The following SCUBE1 variants were observed in gnomAD, a reference collection of about 807,000 sequenced individuals.
SCUBE1 encodes signal peptide, CUB and EGF-like domain-containing protein 1.
SCUBE1 carries 59 observed loss-of-function variants against 124.4 expected under a neutral mutation model. The observed-to-expected ratio is 0.47, with a 90% CI of 0.38 to 0.59. The LOEUF (loss-of-function observed/expected upper bound fraction) is 0.59, where lower values mean the gene tolerates loss of function less well. Ranked by LOEUF, SCUBE1 falls within the 20% of genes least tolerant of loss-of-function variation. SCUBE1 has a pLI of 0.00. For synonymous variants in SCUBE1, 545 were observed against 550.9 expected (o/e 0.99, Z 0.15); for missense variants, 1,150 against 1,371.2 (o/e 0.84, Z 2.55).
In SCUBE1 at chr22:43,255,727, A is replaced by C; in HGVS notation, c.727+2492T>G. ...GCATCCTCGCCAAGGGGCTAATCCC[A>C]GGAACCTCCAAGGTGGGGGTGTTCA... On this transcript the variant is annotated intron_variant, in intron 6 of 21. Coordinates refer to ENST00000360835, the MANE Select transcript of SCUBE1 (RefSeq NM_173050.5). The surrounding 1 kb of genome is among the most constrained non-coding windows in gnomAD (Gnocchi z 4.7). The C allele has an allele frequency of 1.4e-6, 1 of 695,948 alleles. No individual in the cohort carries two copies. Among genetic ancestry groups the C allele is most frequent in the Non-Finnish European group, 2.5e-6 (1 of 402,528 alleles). The allele number at this position is 695,948 out of a possible 1,614,324, so 43.1% of individuals were successfully genotyped here. A position where few individuals can be genotyped will look rare whatever the true frequency, so the allele number is the denominator to read the frequency against.
chr22:43,313,658 G>A (rs75671247), intron 3 of SCUBE1, among the ~76,000 whole-genome samples: 2 of 152,068 alleles, frequency 1.3e-5, no homozygotes, highest in Non-Finnish European at 2.9e-5. Flanking sequence ...ATTCCCTCTG[G>A]TGTCATTTTC....
chr22:43,238,837 C>G lies in SCUBE1; in HGVS notation c.844+1G>C. ...GCACCCACACAGCTCCACATGCTGACCTTTGCATGTCTTCCCGTCCGGCTG... is the reference window on the plus strand; with the variant it reads ...GCACCCACACAGCTCCACATGCTGAGCTTTGCATGTCTTCCCGTCCGGCTG... On this transcript the variant is annotated splice_donor_variant, in intron 7 of 21. Transcript: ENST00000360835. LOFTEE classifies it high-confidence loss of function. 1 of 1,609,906 alleles carries G rather than the reference C, an allele frequency of 6.2e-7. No homozygotes were observed. The highest frequency in any genetic ancestry group is 1.1e-5 in the South Asian group (1 of 91,000).
rs760789989 is a variant in SCUBE1, at chr22:43,238,922, G to T, written c.760C>A (p.Arg254=). 1.9e-6 allele frequency: 3 copies of T among 1,612,942 alleles called. No homozygotes were observed. Among genetic ancestry groups the T allele is most frequent in the Non-Finnish European group, 2.5e-6 (3 of 1,179,970 alleles). Residue 254 remains arginine (R), a synonymous_variant, in exon 7 of 22, where the codon CGG becomes AGG. Transcript: ENST00000360835. ...CCAGTGGCTGTGTCCTTGCATGTCC[G>T]GTCGCAGCCTCCGTTATTGACTGCG... The part of the protein sequence containing the change: ...TCAVNNGGCD[R]TCKDTATGVR...
intron 7 of SCUBE1, among the ~76,000 whole-genome samples, chr22:43,235,425 G>A (rs1213201115): frequency 6.6e-6 from 1 of 152,196 alleles, no homozygotes. Flanking sequence ...ATCCTGGAGT[G>A]CCCAGCAGGG....
At chr22:43,217,958 G>C (rs1921908533) in intron 15 of SCUBE1, among the ~76,000 whole-genome samples, 1 of 152,226 alleles carries the variant, frequency 6.6e-6, no homozygotes, top group African/African-American at 2.4e-5. Flanking sequence ...CCAGACTAGA[G>C]AGGGCCTGTT....
intron 16 of SCUBE1, 51 bp from the exon 17 acceptor site, chr22:43,212,643 G>A (rs376896346): frequency 3.3e-6 from 5 of 1,525,732 alleles, no homozygotes; most frequent in African/African-American, 2.8e-5. Flanking sequence ...CCGCAGGGCC[G>A]AGGCTGTGGG....
intron 3 of SCUBE1, among the ~76,000 whole-genome samples, chr22:43,292,595 A>ACACACACT (rs1394593144): frequency 6.7e-6 from 1 of 149,764 alleles, no homozygotes; most frequent in Non-Finnish European, 1.5e-5. Flanking sequence ...ACACACACAC[A>ACACACACT]CTCTTCGGTG....
At chr22:43,338,028 C>T (rs1031255249) in intron 2 of SCUBE1, among the ~76,000 whole-genome samples, 2 of 152,106 alleles carry the variant, frequency 1.3e-5, no homozygotes, top group Admixed American at 6.6e-5. Context: ...CTCATTTATA[C>T]GATGGGTGCA....
chr22:43,263,292 C>A (rs1047767726), intron 4 of SCUBE1, among the ~76,000 whole-genome samples: 1 of 152,166 alleles, frequency 6.6e-6, no homozygotes, highest in African/African-American at 2.4e-5. Context: ...TGGCTCATAC[C>A]CCCTTCCGTT....
rs57685191 is a variant in SCUBE1 at position 43,203,592 on chromosome 22, G to A, written c.*405C>T. 143 of 167,106 alleles carry A rather than the reference G, an allele frequency of 8.6e-4. 1 individual carries two copies. The East Asian group carries it at 0.019, about 22-fold the overall frequency. 10.4% of individuals were successfully genotyped at this position (167,106 alleles called of 1,614,324 possible). ...ACAGGCTCATCGACCTCCCCCAGAC[G>A]GCGCCTTTGTCCCCTCCTCTCTCCC... On this transcript the variant is annotated 3_prime_UTR_variant, in exon 22 of 22. Coordinates refer to ENST00000360835, the MANE Select transcript of SCUBE1 (RefSeq NM_173050.5).
At chr22:43,330,617 C>T (rs1216203351) in intron 2 of SCUBE1, among the ~76,000 whole-genome samples, 2 of 152,204 alleles carry the variant, frequency 1.3e-5, no homozygotes, top group Non-Finnish European at 2.9e-5. Flanking sequence ...GAATCCAGTC[C>T]AGTGCACACA....
intron 3 of SCUBE1, among the ~76,000 whole-genome samples, chr22:43,308,438 G>A (rs550787302): frequency 2.6e-5 from 4 of 152,340 alleles, no homozygotes; most frequent in East Asian, 3.9e-4. Context: ...ACTGTCCAAA[G>A]CTGTTTAGTT....
intron 3 of SCUBE1, among the ~76,000 whole-genome samples, chr22:43,311,895 T>G (rs542617592): frequency 8.5e-5 from 13 of 152,248 alleles, no homozygotes; most frequent in African/African-American, 3.1e-4. Context: ...TCCCCTCAAA[T>G]GGTTCTAAGC....
At chr22:43,249,504 C>T (rs150495937) in intron 6 of SCUBE1, among the ~76,000 whole-genome samples, 46 of 152,326 alleles carry the variant, frequency 3.0e-4, no homozygotes, top group Middle Eastern at 3.4e-3. Context: ...GTGGCCTCCA[C>T]TCTCCTCGGT....
At chr22:43,237,007 A>G (rs958288192) in intron 7 of SCUBE1, among the ~76,000 whole-genome samples, 11 of 145,494 alleles carry the variant, frequency 7.6e-5, no homozygotes, top group South Asian at 4.4e-4. Flanking sequence ...CCACAGGCCC[A>G]GGGCTGGGCG....
chr22:43,315,364 A>G (rs1260023239), intron 3 of SCUBE1, among the ~76,000 whole-genome samples: 1 of 152,102 alleles, frequency 6.6e-6, no homozygotes, highest in Non-Finnish European at 1.5e-5. Context: ...CCTGAATTTG[A>G]GCCTAAATCT....
intron 6 of SCUBE1, among the ~76,000 whole-genome samples, chr22:43,257,799 G>A (rs561059105): frequency 6.6e-6 from 1 of 152,344 alleles, no homozygotes; most frequent in Non-Finnish European, 1.5e-5. Flanking sequence ...GTGTGCAGTT[G>A]CCTGAATCTG....
intron 9 of SCUBE1, among the ~76,000 whole-genome samples, chr22:43,227,764 G>T (rs9612027): frequency 3.9e-5 from 6 of 152,062 alleles, no homozygotes; most frequent in Non-Finnish European, 7.4e-5. Flanking sequence ...GGGCAGAGGA[G>T]GTAGCACACG....
In SCUBE1 at chr22:43,197,762, A is replaced by C. The variant is rs762018634; in HGVS notation, c.*6235T>G. On this transcript the variant is annotated 3_prime_UTR_variant, in exon 22 of 22. Transcript: ENST00000360835. Reference sequence around the variant, plus strand: ...TGGCTGTGTCTGCTCACGTCGGCACAGTGAGTACCCTGTCCGCCTGGTAGG... The same window carrying C: ...TGGCTGTGTCTGCTCACGTCGGCACCGTGAGTACCCTGTCCGCCTGGTAGG... 1 of 152,278 alleles carries C rather than the reference A, an allele frequency of 6.6e-6. No individual in the cohort carries two copies. The highest frequency in any genetic ancestry group is 1.9e-4 in the East Asian group (1 of 5,202). 9.4% of individuals were successfully genotyped at this position (152,278 alleles called of 1,614,324 possible).
Sources: allele counts gnomAD v4.1 joint callset (sites outside exome capture counted in the v4.1 genomes callset), GRCh38; gene constraint gnomAD v4.1.1; non-coding constraint Gnocchi (gnomAD v3.1); transcripts MANE v1.5; gene names NCBI Gene and HGNC (gene_info 2026-07-23, HGNC 2026-07-21).